The following HCN1 variants were observed in gnomAD, a reference collection of about 807,000 sequenced individuals.
HCN1 encodes potassium/sodium hyperpolarization-activated cyclic nucleotide-gated channel 1.
Under a neutral mutation model 78.9 loss-of-function variants are expected in HCN1, and 13 were observed. The ratio of observed to expected loss-of-function variants is 0.16; its 90% confidence interval spans 0.11 to 0.26. The LOEUF (loss-of-function observed/expected upper bound fraction) is 0.26. Among genes scored for constraint, HCN1 ranks in the 10% least tolerant of loss-of-function variants. HCN1 has a pLI of 1.00. For missense variants in HCN1, 810 were observed against 1,154.3 expected (o/e 0.70, Z 4.32); for synonymous variants, 552 against 455.5 (o/e 1.21, Z -2.70).
intron 5 of HCN1, among the ~76,000 whole-genome samples, chr5:45,332,431 ATTCT>A (rs1471688939): frequency 6.7e-6 from 1 of 150,276 alleles, no homozygotes; most frequent in Non-Finnish European, 1.5e-5. Flanking sequence ...GATCTTATTC[ATTCT>A]TTCTATTTTT....
chr5:45,558,996 AAT>A (rs1459776264), intron 2 of HCN1: 1 of 149,524 alleles, frequency 6.7e-6, no homozygotes, highest in Non-Finnish European at 1.5e-5. Context: ...CCTGGCCTCA[AAT>A]GGTCCTCCCA....
At chr5:45,418,609 T>C (rs1451222010) in intron 3 of HCN1, among the ~76,000 whole-genome samples, 1 of 151,954 alleles carries the variant, frequency 6.6e-6, no homozygotes, top group Non-Finnish European at 1.5e-5. Flanking sequence ...AGGAGAATAA[T>C]AGTGCATTTC....
At position 45,441,466 on chromosome 5, in the gene HCN1, C is replaced by T. The variant is rs111780018; in HGVS notation, c.1011+20380G>A. Reference sequence around the variant, plus strand: ...AATAGATTGATACTATTTAATACATCCTAATCTCAAGAAAACAAGTGGAGG... The same window carrying T: ...AATAGATTGATACTATTTAATACATTCTAATCTCAAGAAAACAAGTGGAGG... On this transcript the variant is annotated intron_variant, in intron 3 of 7. Transcript: ENST00000303230. Among the ~76,000 whole-genome samples, 1,114 of 152,028 alleles carry T rather than the reference C, an allele frequency of 7.3e-3. 12 individuals are homozygous for T. Among genetic ancestry groups the T allele is most frequent in the African/African-American group, 0.026 (1,067 of 41,468 alleles).
Position 45,655,002 on chromosome 5 carries a change from C to T in HCN1, c.426-9394G>A, listed in dbSNP as rs541424293. On this transcript the variant is annotated intron_variant, in intron 1 of 7. Coordinates refer to ENST00000303230, the MANE Select transcript of HCN1 (RefSeq NM_021072.4). ...CTACAGATGTCAAAGAATCTTTATG[C>T]TCTTTATTAATACATAAGATGCCAA... Among the ~76,000 whole-genome samples the T allele has an allele frequency of 1.3e-4, 20 of 152,196 alleles. No homozygotes were observed. In the South Asian group the frequency reaches 1.9e-3, roughly 14 times the overall value.
In HCN1 at chr5:45,304,297, G is replaced by GT. The variant is rs60299810; in HGVS notation, c.1378-459dup. On this transcript the variant is annotated intron_variant, in intron 5 of 7. Coordinates refer to ENST00000303230, the MANE Select transcript of HCN1 (RefSeq NM_021072.4). ...AGCTACCAGACAAAAACATTTTGATGTTTTTTTTTTTTGTTAGTGTCATTC... is the reference window on the plus strand; with the variant it reads ...AGCTACCAGACAAAAACATTTTGATGTTTTTTTTTTTTTGTTAGTGTCATTC... Among the ~76,000 whole-genome samples, 776 of 145,376 alleles carry GT rather than the reference G, an allele frequency of 5.3e-3. 7 individuals carry two copies. The highest frequency in any genetic ancestry group is 0.015 in the African/African-American group (589 of 40,266).
intron 2 of HCN1, among the ~76,000 whole-genome samples, chr5:45,519,358 T>G (rs961260102): frequency 6.6e-6 from 1 of 152,046 alleles, no homozygotes; most frequent in Non-Finnish European, 1.5e-5. Flanking sequence ...TAGGATATAC[T>G]CTAAATCAAA....
At chr5:45,467,066 C>T (rs1466323415) in intron 2 of HCN1, among the ~76,000 whole-genome samples, 3 of 152,096 alleles carry the variant, frequency 2.0e-5, no homozygotes, top group African/African-American at 7.2e-5. Flanking sequence ...GTGCTTTTTA[C>T]CTGGATTCTT....
chr5:45,333,008 A>G (rs998524121), intron 5 of HCN1, among the ~76,000 whole-genome samples: 4 of 151,818 alleles, frequency 2.6e-5, no homozygotes, highest in Non-Finnish European at 5.9e-5. Flanking sequence ...TATACCCAGC[A>G]GTGGGATTGC....
intron 5 of HCN1, among the ~76,000 whole-genome samples, chr5:45,311,112 C>T (rs1378830439): frequency 6.6e-6 from 1 of 152,096 alleles, no homozygotes. Context: ...CCCATTATCT[C>T]CATGTTCATC....
chr5:45,568,264 A>G (rs1743749247), intron 2 of HCN1, among the ~76,000 whole-genome samples: 2 of 152,118 alleles, frequency 1.3e-5, no homozygotes. Context: ...AAAATATTTA[A>G]TAATTTGTAG....
rs767232327 is a variant in HCN1 at position 45,695,746 on chromosome 5, G to A, written c.348C>T (p.Ser116=). 1.1e-5 allele frequency: 17 copies of A among 1,612,402 alleles called. No individual in the cohort carries two copies. Among genetic ancestry groups the A allele is most frequent in the Non-Finnish European group, 8.5e-6 (10 of 1,179,710 alleles). Reference sequence around the variant, plus strand: ...CCTGCTCCTTTTCCACCGCCTTCTGGCTCCCAAACATGCGGAGGGAGAATT... The same window carrying A: ...CCTGCTCCTTTTCCACCGCCTTCTGACTCCCAAACATGCGGAGGGAGAATT... ...VNKFSLRMFG[S]QKAVEKEQER... The change falls in exon 1 of 8, where the codon AGC becomes AGT. Residue 116 remains serine, a synonymous_variant. Coordinates refer to ENST00000303230, the MANE Select transcript of HCN1 (RefSeq NM_021072.4).
chr5:45,538,980 C>T (rs911600755), intron 2 of HCN1, among the ~76,000 whole-genome samples: 2 of 152,080 alleles, frequency 1.3e-5, no homozygotes, highest in African/African-American at 2.4e-5. Context: ...ATGAAACAAT[C>T]GATATTTTTC....
At chr5:45,373,519 ATATAT>A (rs1357772296) in intron 4 of HCN1, among the ~76,000 whole-genome samples, 1 of 141,394 alleles carries the variant, frequency 7.1e-6, no homozygotes, top group African/African-American at 2.6e-5. Flanking sequence ...CATCTATAAT[ATATAT>A]TACATACATT....
At chr5:45,386,021 C>T (rs558762410) in intron 4 of HCN1, among the ~76,000 whole-genome samples, 15 of 152,122 alleles carry the variant, frequency 9.9e-5, no homozygotes, top group South Asian at 2.1e-4. Context: ...TGGAGCTGGA[C>T]AGGAGTCCTT....
intron 1 of HCN1, among the ~76,000 whole-genome samples, chr5:45,666,040 C>A (rs1746042171): frequency 6.6e-6 from 1 of 151,970 alleles, no homozygotes; most frequent in African/African-American, 2.4e-5. Context: ...ATTCTCCATG[C>A]CCAATTGAGC....
chr5:45,522,866 T>G (rs1370852808), intron 2 of HCN1, among the ~76,000 whole-genome samples: 1 of 152,004 alleles, frequency 6.6e-6, no homozygotes, highest in Non-Finnish European at 1.5e-5. Flanking sequence ...TTAAATTTTA[T>G]TATTACTATA....
intron 6 of HCN1, among the ~76,000 whole-genome samples, chr5:45,278,539 C>T (rs1003335841): frequency 5.1e-4 from 77 of 152,112 alleles, no homozygotes; most frequent in African/African-American, 1.8e-3. Flanking sequence ...TATATGACCA[C>T]TAATGAGCAA....
At chr5:45,288,039 T>C (rs1328383360) in intron 6 of HCN1, among the ~76,000 whole-genome samples, 1 of 152,044 alleles carries the variant, frequency 6.6e-6, no homozygotes, top group African/African-American at 2.4e-5. Context: ...TTTGGAGATA[T>C]TCTTGGGGAA....
intron 2 of HCN1, among the ~76,000 whole-genome samples, chr5:45,537,834 T>G (rs1743002386): frequency 6.6e-6 from 1 of 152,088 alleles, no homozygotes; most frequent in Non-Finnish European, 1.5e-5. Flanking sequence ...ACTACAACTA[T>G]GTAAAGAACC....
Sources: allele counts gnomAD v4.1 joint callset (sites outside exome capture counted in the v4.1 genomes callset), GRCh38; gene constraint gnomAD v4.1.1; transcripts MANE v1.5; gene names NCBI Gene and HGNC (gene_info 2026-07-23, HGNC 2026-07-21).